Variants in PRELID2 observed in about 807,000 individuals in gnomAD.
The protein encoded by PRELID2 is PRELI domain-containing protein 2.
PRELID2 carries 25 observed loss-of-function variants against 28.4 expected under a neutral mutation model. That is an observed-to-expected ratio of 0.88 (90% confidence interval 0.64 to 1.23). The LOEUF is 1.23. Among genes scored for constraint, PRELID2 ranks in the 50% most tolerant of loss-of-function variants. PRELID2 has a pLI of 0.00. For synonymous variants in PRELID2, 76 were observed against 71.6 expected (o/e 1.06, Z -0.31); for missense variants, 201 against 214.4 (o/e 0.94, Z 0.39).
At chr5:145,656,226 G>A (rs1357248629) in intron 1 of PRELID2, among the ~76,000 whole-genome samples, 1 of 152,170 alleles carries the variant, frequency 6.6e-6, no homozygotes, top group Admixed American at 6.5e-5. Flanking sequence ...CAGTTAGAAT[G>A]GCGATCATTA....
chr5:145,632,111 C>G (rs1190682714), intron 1 of PRELID2, among the ~76,000 whole-genome samples: 1 of 152,150 alleles, frequency 6.6e-6, no homozygotes, highest in African/African-American at 2.4e-5. Flanking sequence ...TCTTTGGAGA[C>G]TGGTTATAAT....
chr5:145,385,888 T>C, the PRELID2 span, among the ~76,000 whole-genome samples: 1 of 152,120 alleles, frequency 6.6e-6, no homozygotes, highest in African/African-American at 2.4e-5. Context: ...CACCTCTGTT[T>C]TGTGTTCTCA....
At chr5:145,265,830 A>G in the PRELID2 span, among the ~76,000 whole-genome samples, 1 of 152,242 alleles carries the variant, frequency 6.6e-6, no homozygotes, top group African/African-American at 2.4e-5. Flanking sequence ...TCAAGGACTT[A>G]AATCTAAGAC....
chr5:145,421,046 C>T, the PRELID2 span, among the ~76,000 whole-genome samples: 4 of 150,002 alleles, frequency 2.7e-5, no homozygotes, highest in South Asian at 2.1e-4. Flanking sequence ...TATTGATTTG[C>T]GTATATTGAA....
At chr5:145,495,280 A>G (rs886437968) in intron 1 of PRELID2, among the ~76,000 whole-genome samples, 4 of 152,218 alleles carry the variant, frequency 2.6e-5, no homozygotes, top group Non-Finnish European at 5.9e-5. Flanking sequence ...ATTGAAGATC[A>G]GGCTGGTATG....
At chr5:145,270,584 T>C in the PRELID2 span, among the ~76,000 whole-genome samples, 1 of 152,156 alleles carries the variant, frequency 6.6e-6, no homozygotes, top group South Asian at 2.1e-4. Flanking sequence ...TTAAAGCTGC[T>C]ATAAATATAT....
intron 4 of PRELID2, among the ~76,000 whole-genome samples, chr5:145,803,034 C>A (rs1459940630): frequency 6.6e-6 from 1 of 152,122 alleles, no homozygotes. Context: ...TGATGGGAAT[C>A]TAATTAAAGT....
the PRELID2 span, among the ~76,000 whole-genome samples, chr5:145,354,544 A>G: frequency 6.6e-6 from 1 of 152,162 alleles, no homozygotes; most frequent in East Asian, 1.9e-4. Flanking sequence ...TGTGTAATTT[A>G]TTAAGGCAGA....
chr5:145,285,961 T>C, the PRELID2 span, among the ~76,000 whole-genome samples: 333 of 152,334 alleles, frequency 2.2e-3, 2 homozygotes, highest in African/African-American at 7.7e-3. Flanking sequence ...GCTGTATTTT[T>C]GGCTCTGAGC....
intron 5 of PRELID2, 68 bp downstream of exon 5, chr5:145,796,374 C>CA (rs1158681456): frequency 2.0e-6 from 2 of 981,980 alleles, no homozygotes; most frequent in African/African-American, 3.3e-5. Flanking sequence ...GAGTCTTATT[C>CA]AATAACCCTA....
chr5:145,395,245 C>G, the PRELID2 span, among the ~76,000 whole-genome samples: 1 of 151,990 alleles, frequency 6.6e-6, no homozygotes, highest in South Asian at 2.1e-4. Context: ...TGCCCACCAC[C>G]CTGACTGCCA....
the PRELID2 span, among the ~76,000 whole-genome samples, chr5:145,328,637 T>TC: frequency 2.6e-5 from 4 of 152,134 alleles, no homozygotes; most frequent in South Asian, 2.1e-4. Flanking sequence ...GTTGTTTTTT[T>TC]CTTGTAAATT....
chr5:145,553,196 A>G (rs985142006), intron 1 of PRELID2, among the ~76,000 whole-genome samples: 6 of 139,370 alleles, frequency 4.3e-5, no homozygotes, highest in Non-Finnish European at 9.5e-5. Context: ...CCCCCCCCAA[A>G]AAAAAAGGGA....
intron 1 of PRELID2, among the ~76,000 whole-genome samples, chr5:145,705,939 TACACACACACAC>T (rs61283424): frequency 1.4e-5 from 2 of 145,502 alleles, no homozygotes; most frequent in Non-Finnish European, 3.0e-5. Flanking sequence ...CATGTGCGCC[TACACACACACAC>T]ACACACACAC....
intron 1 of PRELID2, among the ~76,000 whole-genome samples, chr5:145,488,346 C>T (rs540837765): frequency 6.6e-6 from 1 of 152,240 alleles, no homozygotes; most frequent in South Asian, 2.1e-4. Flanking sequence ...GAAAGATTGA[C>T]CTGGCAGTGT....
chr5:145,272,854 C>A, the PRELID2 span, among the ~76,000 whole-genome samples: 1 of 151,906 alleles, frequency 6.6e-6, no homozygotes, highest in Admixed American at 6.6e-5. Flanking sequence ...TCGTTATGGG[C>A]TAAGAATCTG....
intron 1 of PRELID2, among the ~76,000 whole-genome samples, chr5:145,583,022 C>T (rs1221932613): frequency 1.3e-5 from 2 of 152,134 alleles, no homozygotes; most frequent in Non-Finnish European, 2.9e-5. Context: ...CCCTAATGAG[C>T]ATCGACGCAA....
intron 1 of PRELID2, among the ~76,000 whole-genome samples, chr5:145,610,994 T>A (rs1428664650): frequency 6.8e-6 from 1 of 148,010 alleles, no homozygotes. Context: ...AATATATAAA[T>A]TAATATATAA....
rs78974230 is a variant in PRELID2 at position 145,706,611 on chromosome 5, C to T, written n.70+58320G>A. ...GTCACCTCCTGTGCACTAGGCACTACGCTAGGTGATGTTCAAAAGATTTGC... is the reference window on the plus strand; with the variant it reads ...GTCACCTCCTGTGCACTAGGCACTATGCTAGGTGATGTTCAAAAGATTTGC... On this transcript the variant is annotated intron_variant and non_coding_transcript_variant, in intron 1 of 2. Transcript: ENST00000510259. 6.6e-5 allele frequency among the ~76,000 whole-genome samples: 10 copies of T among 152,268 alleles called. No homozygotes were observed. In the South Asian group the frequency reaches 8.3e-4, roughly 13 times the overall value.
Sources: allele counts gnomAD v4.1 joint callset (sites outside exome capture counted in the v4.1 genomes callset), GRCh38; gene constraint gnomAD v4.1.1; transcripts MANE v1.5; gene names NCBI Gene and HGNC (gene_info 2026-07-23, HGNC 2026-07-21).